The following PDZD2 variants were observed in gnomAD, a reference collection of about 807,000 sequenced individuals.
PDZD2 encodes PDZ domain containing 2, also known as PDZ domain-containing protein 2.
Under a neutral mutation model 220.7 loss-of-function variants are expected in PDZD2, and 90 were observed. That is an observed-to-expected ratio of 0.41 (90% CI 0.34 to 0.49). The LOEUF (loss-of-function observed/expected upper bound fraction) is 0.49, where lower values mean the gene tolerates loss of function less well. PDZD2 is among the 20% of genes least tolerant of loss of function. The pLI is 0.28. For missense variants in PDZD2, 3,174 were observed against 3,608.5 expected (o/e 0.88, Z 3.08); for synonymous variants, 1,375 against 1,450.5 (o/e 0.95, Z 1.18).
chr5:31,855,561 G>A (rs1345317815), intron 2 of PDZD2, among the ~76,000 whole-genome samples: 1 of 152,222 alleles, frequency 6.6e-6, no homozygotes. Flanking sequence ...GTAGGGGCGG[G>A]GGGCATGGCA....
At chr5:32,029,087 TAC>T (rs1451975322) in intron 6 of PDZD2, among the ~76,000 whole-genome samples, 18 of 152,250 alleles carry the variant, frequency 1.2e-4, no homozygotes, top group Admixed American at 7.2e-4. Context: ...CAGGAATAAA[TAC>T]AGTTTTTTCC....
intron 2 of PDZD2, among the ~76,000 whole-genome samples, chr5:31,914,947 GGTTAA>G (rs1561063839): frequency 6.6e-6 from 1 of 152,180 alleles, no homozygotes; most frequent in African/African-American, 2.4e-5. Context: ...TGTATACAGA[GGTTAA>G]GTTCAGCAAA....
At chr5:32,035,565 G>T (rs150348362) in intron 6 of PDZD2, among the ~76,000 whole-genome samples, 1 of 152,050 alleles carries the variant, frequency 6.6e-6, no homozygotes. Context: ...TGACCTCCTG[G>T]GCTCAAGTGA....
intron 1 of PDZD2, among the ~76,000 whole-genome samples, chr5:31,649,125 G>C (rs567661427): frequency 2.0e-5 from 3 of 151,594 alleles, no homozygotes; most frequent in African/African-American, 7.3e-5. Flanking sequence ...CGGTCCACCC[G>C]CTTTGGCCTC....
chr5:32,059,818 AT>A (rs1739506004), intron 13 of PDZD2, among the ~76,000 whole-genome samples: 1 of 152,140 alleles, frequency 6.6e-6, no homozygotes, highest in African/African-American at 2.4e-5. Flanking sequence ...TTTTCCTGTC[AT>A]TTTCATTCCT....
chr5:32,086,139 G>A (rs914307817), intron 19 of PDZD2, among the ~76,000 whole-genome samples: 1 of 152,048 alleles, frequency 6.6e-6, no homozygotes, highest in East Asian at 1.9e-4. Flanking sequence ...CCCAGCTTTC[G>A]TATTCTGTAT....
intron 2 of PDZD2, among the ~76,000 whole-genome samples, chr5:31,849,668 A>G (rs970571842): frequency 6.6e-6 from 1 of 151,430 alleles, no homozygotes; most frequent in African/African-American, 2.4e-5. Flanking sequence ...ACATGGTGAA[A>G]CTCTGTCTCT....
At chr5:31,707,142 G>A (rs1215829570) in intron 1 of PDZD2, among the ~76,000 whole-genome samples, 4 of 133,404 alleles carry the variant, frequency 3.0e-5, no homozygotes, top group Non-Finnish European at 6.3e-5. Context: ...ATCACTCACC[G>A]GGGCCTGTCA....
rs564876737 is a variant in PDZD2 at position 31,726,034 on chromosome 5, C to T, written c.-360-72855C>T. On this transcript the variant is annotated intron_variant, in intron 1 of 24. Coordinates refer to ENST00000438447, the MANE Select transcript of PDZD2 (RefSeq NM_178140.4). ...ATAATGGAGTAGAAAGCGTGCTGAA[C>T]CGAGAAGGCAGGAGCACAGCTCTGG... 36 of 348,862 alleles carry T rather than the reference C, an allele frequency of 1.0e-4. No individual in the cohort carries two copies. In the East Asian group the frequency reaches 2.0e-3, roughly 20 times the overall value. 21.6% of individuals were successfully genotyped at this position (348,862 alleles called of 1,614,324 possible).
At chr5:31,812,138 G>C (rs971402766) in intron 2 of PDZD2, among the ~76,000 whole-genome samples, 2 of 152,096 alleles carry the variant, frequency 1.3e-5, no homozygotes, top group Non-Finnish European at 2.9e-5. Flanking sequence ...ATCCACTCCT[G>C]TGAAGTCCTC....
chr5:32,077,682 C>T (rs766739019), intron 19 of PDZD2, 76 bp downstream of exon 19: 43 of 1,462,510 alleles, frequency 2.9e-5, no homozygotes, highest in Non-Finnish European at 4.0e-5. Flanking sequence ...ACAGGCCAGG[C>T]GCAGTGGCTT....
intron 2 of PDZD2, among the ~76,000 whole-genome samples, chr5:31,952,179 T>A (rs1747238331): frequency 6.6e-6 from 1 of 151,998 alleles, no homozygotes; most frequent in African/African-American, 2.4e-5. Context: ...AAGTTGGACT[T>A]GTTCCACTGT....
At position 31,669,540 on chromosome 5, in the gene PDZD2, A is replaced by G. The variant is rs561448270; in HGVS notation, c.-361+30103A>G. Among the ~76,000 whole-genome samples, 4 of 152,164 alleles carry G rather than the reference A, an allele frequency of 2.6e-5. No individual in the cohort carries two copies. In the South Asian group the frequency reaches 8.3e-4, roughly 32 times the overall value. On this transcript the variant is annotated intron_variant, in intron 1 of 24. Transcript: ENST00000438447. ...CTCTTGCCACACTTTCCTGGGAGTTATTTCATCTCAAAGTGAAGCCTGCAA... is the reference window on the plus strand; with the variant it reads ...CTCTTGCCACACTTTCCTGGGAGTTGTTTCATCTCAAAGTGAAGCCTGCAA...
intron 21 of PDZD2, among the ~76,000 whole-genome samples, chr5:32,094,858 A>G (rs1743498770): frequency 6.6e-6 from 1 of 152,202 alleles, no homozygotes; most frequent in Admixed American, 6.5e-5. Flanking sequence ...AGCCTGGGTG[A>G]CAGAGCAAGA....
In PDZD2 at chr5:32,044,669, AGT is replaced by A. The variant is rs1482936071; in HGVS notation, c.1520-3869_1520-3868del. 2.6e-5 allele frequency among the ~76,000 whole-genome samples: 4 copies of A among 152,166 alleles called. No homozygotes were observed. In the South Asian group the frequency reaches 8.3e-4, roughly 32 times the overall value. On this transcript the variant is annotated intron_variant, in intron 7 of 24. Transcript: ENST00000438447. ...CAGTCGCAATGCTTCAGTCCAACAG[AGT>A]TTGTCAGAGTCATTAGGGAAACGGA...
chr5:31,804,635 C>A (rs1352815296), intron 2 of PDZD2, among the ~76,000 whole-genome samples: 2 of 152,068 alleles, frequency 1.3e-5, no homozygotes, highest in African/African-American at 4.8e-5. Context: ...TATTCCTAAC[C>A]ACTGCATTGT....
intron 6 of PDZD2, among the ~76,000 whole-genome samples, chr5:32,034,638 G>C (rs1329119087): frequency 6.6e-6 from 1 of 152,100 alleles, no homozygotes; most frequent in Non-Finnish European, 1.5e-5. Flanking sequence ...TTACAGACGT[G>C]AGCCATCACG....
At chr5:31,835,400 C>G (rs1287427997) in intron 2 of PDZD2, among the ~76,000 whole-genome samples, 1 of 151,994 alleles carries the variant, frequency 6.6e-6, no homozygotes, top group African/African-American at 2.4e-5. Flanking sequence ...AGGTGAATCA[C>G]TTGAGGTCAG....
chr5:32,040,360 C>T (rs561385606), intron 7 of PDZD2, among the ~76,000 whole-genome samples: 30 of 148,646 alleles, frequency 2.0e-4, no homozygotes, highest in South Asian at 1.5e-3. Flanking sequence ...TCTGCCTGGC[C>T]GCCCCGTCTA....
Sources: allele counts gnomAD v4.1 joint callset (sites outside exome capture counted in the v4.1 genomes callset), GRCh38; gene constraint gnomAD v4.1.1; transcripts MANE v1.5; gene names NCBI Gene and HGNC (gene_info 2026-07-23, HGNC 2026-07-21).